The following CHRM3 variants were observed in gnomAD, a reference collection of about 807,000 sequenced individuals.
The protein encoded by CHRM3 is cholinergic receptor muscarinic 3.
In CHRM3, 11 loss-of-function variants were observed where a neutral mutation model predicts 41.8. The observed-to-expected ratio is 0.26, with a 90% CI of 0.17 to 0.44. The LOEUF (loss-of-function observed/expected upper bound fraction) is 0.44. Ranked by LOEUF, CHRM3 falls within the 20% of genes least tolerant of loss-of-function variation. CHRM3 has a pLI of 1.00. For synonymous variants in CHRM3, 297 were observed against 301.4 expected (o/e 0.99, Z 0.15); for missense variants, 571 against 745.4 (o/e 0.77, Z 2.72).
At chr1:239,818,428 C>G (rs1671771099) in intron 5 of CHRM3, among the ~76,000 whole-genome samples, 1 of 152,208 alleles carries the variant, frequency 6.6e-6, no homozygotes, top group Admixed American at 6.5e-5. Flanking sequence ...CATTTGCCCT[C>G]ACCCTTTCTG....
At chr1:239,482,478 A>T (rs1447956609) in intron 1 of CHRM3, among the ~76,000 whole-genome samples, 4 of 152,146 alleles carry the variant, frequency 2.6e-5, no homozygotes, top group Non-Finnish European at 5.9e-5. Flanking sequence ...TCATCAGCAA[A>T]AACAAGATAA....
intron 6 of CHRM3, among the ~76,000 whole-genome samples, chr1:239,881,176 G>A (rs560121569): frequency 6.0e-5 from 9 of 150,972 alleles, no homozygotes; most frequent in East Asian, 4.0e-4. Context: ...CCAGCTTCTC[G>A]GGAGGCTGAG....
chr1:239,889,330 C>T lies in CHRM3; in HGVS notation c.-19-18103C>T, dbSNP rs112986108. Among the ~76,000 whole-genome samples, 177 of 152,234 alleles carry T rather than the reference C, an allele frequency of 1.2e-3. 4 individuals are homozygous for T. Among genetic ancestry groups the T allele is most frequent in the African/African-American group, 4.0e-3 (168 of 41,560 alleles). ...AATTTCTGGTAGCCCCCCCTCTAATCTTTTATTATGCAAGTAGGTTTTCTG... is the reference window on the plus strand; with the variant it reads ...AATTTCTGGTAGCCCCCCCTCTAATTTTTTATTATGCAAGTAGGTTTTCTG... On this transcript the variant is annotated intron_variant, in intron 6 of 6. Coordinates refer to ENST00000676153, the MANE Select transcript of CHRM3 (RefSeq NM_001375978.1).
chr1:239,434,630 A>G (rs556400667), intron 1 of CHRM3, among the ~76,000 whole-genome samples: 1 of 152,292 alleles, frequency 6.6e-6, no homozygotes, highest in East Asian at 1.9e-4. Flanking sequence ...CAAGTCAATA[A>G]ATATTTATTG....
intron 6 of CHRM3, among the ~76,000 whole-genome samples, chr1:239,894,938 C>T (rs970494753): frequency 6.6e-6 from 1 of 152,174 alleles, no homozygotes; most frequent in East Asian, 1.9e-4. Context: ...TGTCTAGCAC[C>T]TTGCAAGACC....
intron 6 of CHRM3, among the ~76,000 whole-genome samples, chr1:239,893,977 G>A (rs562052349): frequency 2.6e-5 from 4 of 151,836 alleles, no homozygotes; most frequent in Admixed American, 6.6e-5. Context: ...CTTCTTCTTC[G>A]TCAGTAGAAT....
intron 2 of CHRM3, among the ~76,000 whole-genome samples, chr1:239,499,666 T>C (rs184014284): frequency 2.0e-5 from 3 of 152,252 alleles, no homozygotes; most frequent in Non-Finnish European, 4.4e-5. Flanking sequence ...CTTAGGCACA[T>C]TGTCATCAGG....
intron 1 of CHRM3, among the ~76,000 whole-genome samples, chr1:239,436,840 T>C (rs894668879): frequency 1.3e-5 from 2 of 152,060 alleles, no homozygotes; most frequent in African/African-American, 4.8e-5. Context: ...CCTAAAAACC[T>C]GATTTAACGG....
intron 4 of CHRM3, among the ~76,000 whole-genome samples, chr1:239,662,750 GCTCCTC>G (rs906795728): frequency 4.0e-5 from 6 of 150,856 alleles, no homozygotes; most frequent in East Asian, 2.0e-4. Context: ...TTTGTTTTTC[GCTCCTC>G]CTCCTCCTCC....
intron 6 of CHRM3, among the ~76,000 whole-genome samples, chr1:239,863,266 A>G (rs2149279743): frequency 6.6e-6 from 1 of 152,312 alleles, no homozygotes; most frequent in South Asian, 2.1e-4. Flanking sequence ...CCTTCAAAGG[A>G]TGGGACAATG....
intron 3 of CHRM3, among the ~76,000 whole-genome samples, chr1:239,570,905 G>A (rs192946571): frequency 1.2e-3 from 175 of 152,114 alleles, no homozygotes; most frequent in Non-Finnish European, 1.9e-3. Flanking sequence ...CAAAAACAGC[G>A]AGAAGTAAAC....
chr1:239,750,874 A>G (rs1420083625), intron 5 of CHRM3, among the ~76,000 whole-genome samples: 4 of 152,164 alleles, frequency 2.6e-5, no homozygotes, highest in African/African-American at 9.7e-5. Flanking sequence ...TAATTTGTCT[A>G]AAGTTTTTCT....
intron 1 of CHRM3, among the ~76,000 whole-genome samples, chr1:239,443,937 T>C (rs1663927131): frequency 6.6e-6 from 1 of 152,158 alleles, no homozygotes; most frequent in African/African-American, 2.4e-5. Context: ...GTGTGAAATA[T>C]GTGTTTCAGA....
chr1:239,741,576 C>T (rs1005676859), intron 5 of CHRM3, among the ~76,000 whole-genome samples: 5 of 152,154 alleles, frequency 3.3e-5, no homozygotes, highest in African/African-American at 1.2e-4. Flanking sequence ...TAAACCCCAT[C>T]AACCCTCATA....
chr1:239,487,464 A>ATGTACAATAGCAACAAAAAG (rs1333409704), intron 1 of CHRM3, among the ~76,000 whole-genome samples: 19 of 152,162 alleles, frequency 1.2e-4, no homozygotes, highest in Non-Finnish European at 2.9e-5. Context: ...AAAAGCCTCC[A>ATGTACAATAGCAACAAAAAG]TGTACAATAG....
intron 3 of CHRM3, among the ~76,000 whole-genome samples, chr1:239,586,718 A>G (rs190027990): frequency 6.6e-6 from 1 of 152,096 alleles, no homozygotes; most frequent in Non-Finnish European, 1.5e-5. Flanking sequence ...CTCAGGCAAA[A>G]AAAAGTGCTA....
At chr1:239,614,771 C>T (rs1450877265) in intron 3 of CHRM3, among the ~76,000 whole-genome samples, 1 of 152,070 alleles carries the variant, frequency 6.6e-6, no homozygotes, top group Non-Finnish European at 1.5e-5. Context: ...CACATTTTTT[C>T]AGGATAGCTG....
intron 6 of CHRM3, among the ~76,000 whole-genome samples, chr1:239,871,922 T>C (rs1265123858): frequency 6.6e-6 from 1 of 152,192 alleles, no homozygotes; most frequent in Non-Finnish European, 1.5e-5. Context: ...ACCACAAACA[T>C]GCCCAATTTA....
At chr1:239,662,166 TA>T (rs202170662) in intron 4 of CHRM3, among the ~76,000 whole-genome samples, 1,628 of 150,238 alleles carry the variant, frequency 0.011, 21 homozygotes, top group Non-Finnish European at 0.015. Flanking sequence ...GATAAGAGGT[TA>T]AAAAAAAGTT....
Sources: allele counts gnomAD v4.1 joint callset (sites outside exome capture counted in the v4.1 genomes callset), GRCh38; gene constraint gnomAD v4.1.1; transcripts MANE v1.5; gene names NCBI Gene and HGNC (gene_info 2026-07-23, HGNC 2026-07-21).